Variants in ABLIM2 observed in about 807,000 individuals in gnomAD.
ABLIM2 encodes actin-binding LIM protein 2.
Under a neutral mutation model 97.7 loss-of-function variants are expected in ABLIM2, and 53 were observed. That is an observed-to-expected ratio of 0.54 (90% CI 0.44 to 0.68). The LOEUF (loss-of-function observed/expected upper bound fraction) is 0.68. ABLIM2 is among the 30% of genes least tolerant of loss of function. The probability of loss-of-function intolerance (pLI) is 0.00; values close to 1 mark genes in which losing one functional copy is unlikely to be tolerated. For synonymous variants in ABLIM2, 361 were observed against 345.8 expected, an observed-to-expected ratio of 1.04 and a Z score of -0.49; for missense variants, 835 against 867.2, an observed-to-expected ratio of 0.96 and a Z score of 0.47.
Position 8,015,283 on chromosome 4 carries a change from G to A in ABLIM2, c.1423+4335C>T, listed in dbSNP as rs1483109520. Among the ~76,000 whole-genome samples the A allele has an allele frequency of 1.3e-5, 2 of 152,034 alleles. No individual in the cohort carries two copies. Among genetic ancestry groups the A allele is most frequent in the East Asian group, 1.9e-4 (1 of 5,176 alleles). On this transcript the variant is annotated intron_variant, in intron 14 of 20. Coordinates refer to ENST00000447017, the MANE Select transcript of ABLIM2 (RefSeq NM_001130083.2). This position sits in a 1 kb window ranked among gnomAD's most constrained non-coding sequence, Gnocchi z 4.6. ...CTGCACTGCAGAAGGAGAGGTTAGC[G>A]TGTCTTTTGTATCACACAGACAGTT...
intron 1 of ABLIM2, among the ~76,000 whole-genome samples, chr4:8,129,706 G>C (rs1849091095): frequency 6.6e-6 from 1 of 151,666 alleles, no homozygotes; most frequent in South Asian, 2.1e-4. Flanking sequence ...GCAGCCAGTG[G>C]GGCTGGGAGC....
intron 1 of ABLIM2, among the ~76,000 whole-genome samples, chr4:8,118,341 C>T (rs575246103): frequency 6.6e-5 from 10 of 152,330 alleles, no homozygotes; most frequent in Non-Finnish European, 1.0e-4. Context: ...CCATGAGACT[C>T]GTCCTCCAAT....
At chr4:8,006,528 G>C (rs1761410818) in intron 16 of ABLIM2, among the ~76,000 whole-genome samples, 1 of 152,230 alleles carries the variant, frequency 6.6e-6, no homozygotes, top group Non-Finnish European at 1.5e-5. Flanking sequence ...CCGGGACACT[G>C]AGCAAAGTAG....
intron 9 of ABLIM2, among the ~76,000 whole-genome samples, chr4:8,039,772 A>G (rs1786923157): frequency 6.6e-6 from 1 of 152,032 alleles, no homozygotes; most frequent in African/African-American, 2.4e-5. Context: ...AAAATTACAC[A>G]CACACAGAAG....
intron 1 of ABLIM2, 50 bp downstream of exon 1, chr4:8,158,630 G>A (rs1473381510): frequency 7.3e-6 from 11 of 1,504,326 alleles, no homozygotes; most frequent in African/African-American, 2.9e-5. Context: ...CCCTTGCGGC[G>A]CCGCGAGCCA....
chr4:7,972,866 G>C (rs113091506), intron 20 of ABLIM2, among the ~76,000 whole-genome samples: 8 of 152,116 alleles, frequency 5.3e-5, no homozygotes, highest in African/African-American at 1.9e-4. Context: ...GTCACCCTCA[G>C]TCTACCAGGA....
At chr4:8,010,333 C>T (rs1764113594) in intron 14 of ABLIM2, 3 of 978,598 alleles carry the variant, frequency 3.1e-6, no homozygotes, top group South Asian at 4.7e-5. Context: ...AAACACTGAC[C>T]CCATGCACTG....
chr4:8,118,738 C>A (rs993238370), intron 1 of ABLIM2, among the ~76,000 whole-genome samples: 1 of 152,204 alleles, frequency 6.6e-6, no homozygotes, highest in African/African-American at 2.4e-5. Context: ...ACCATTCCTG[C>A]TCCGGGGAGC....
At chr4:8,074,910 T>G (rs1814995509) in intron 6 of ABLIM2, among the ~76,000 whole-genome samples, 2 of 150,760 alleles carry the variant, frequency 1.3e-5, no homozygotes, top group South Asian at 2.1e-4. Context: ...CTCAGCCCCC[T>G]GAGTAGCTGG....
At chr4:7,983,239 C>CA (rs1326060918) in intron 20 of ABLIM2, 25 bp downstream of exon 20, 1 of 1,596,656 alleles carries the variant, frequency 6.3e-7, no homozygotes, top group Non-Finnish European at 8.5e-7. Flanking sequence ...AAATGAGTCC[C>CA]CTGCCCCGGC....
rs746776932 is a variant in ABLIM2 at position 8,036,302 on chromosome 4, G to A, written c.901-7C>T. 2 of 1,613,342 alleles carry A rather than the reference G, an allele frequency of 1.2e-6. No individual in the cohort carries two copies. The highest frequency in any genetic ancestry group is 1.1e-5 in the South Asian group (1 of 91,016). On this transcript the variant is annotated splice_polypyrimidine_tract_variant and splice_region_variant and intron_variant, in intron 9 of 20. Transcript: ENST00000447017. ...TCTCACCACCAAGCTTGGCCTGAGA[G>A]GGGAAAGAGAATTGGGGAGGGGACA...
intron 1 of ABLIM2, among the ~76,000 whole-genome samples, chr4:8,152,663 G>A (rs1177547440): frequency 2.6e-5 from 4 of 152,246 alleles, no homozygotes. Context: ...GACTGGGACA[G>A]CCGCGTCCAT....
intron 1 of ABLIM2, among the ~76,000 whole-genome samples, chr4:8,137,482 C>T (rs1050872901): frequency 2.6e-5 from 4 of 152,148 alleles, no homozygotes; most frequent in African/African-American, 9.7e-5. Flanking sequence ...GGAGCGGGGG[C>T]GTCCCATGAG....
chr4:8,097,336 C>T, intron 2 of ABLIM2, 54 bp from the exon 3 acceptor site: 1 of 1,540,082 alleles, frequency 6.5e-7, no homozygotes, highest in Non-Finnish European at 8.8e-7. Context: ...ATCTCCACGT[C>T]CCCCAGGCCC....
chr4:8,010,330 GA>G, intron 14 of ABLIM2: 1 of 976,646 alleles, frequency 1.0e-6, no homozygotes, highest in Non-Finnish European at 1.2e-6. Flanking sequence ...CAGAAACACT[GA>G]CCCCATGCAC....
intron 2 of ABLIM2, among the ~76,000 whole-genome samples, chr4:8,104,594 G>A (rs1836279901): frequency 6.6e-6 from 1 of 152,170 alleles, no homozygotes; most frequent in Non-Finnish European, 1.5e-5. Context: ...GCTGGGGTCT[G>A]CCTTAGCCCA....
chr4:8,008,010 C>T (rs16841552), intron 16 of ABLIM2, 49 bp downstream of exon 16: 107,121 of 1,601,548 alleles, frequency 0.067, 7,143 homozygotes, highest in East Asian at 0.34. Context: ...CTCTTTGCCG[C>T]GAGGCATTTT....
rs1759819955 is a variant in ABLIM2, at chr4:8,004,617, G to A, written c.1618+3442C>T. Among the ~76,000 whole-genome samples, 1 of 152,148 alleles carries A rather than the reference G, an allele frequency of 6.6e-6. No individual in the cohort carries two copies. Among genetic ancestry groups the A allele is most frequent in the Non-Finnish European group, 1.5e-5 (1 of 68,032 alleles). On this transcript the variant is annotated intron_variant, in intron 16 of 20. Transcript: ENST00000447017. This position sits in a 1 kb window ranked among gnomAD's most constrained non-coding sequence, Gnocchi z 5.9. ...AGAGGATGGGGCCTCAAGGGGCTAG[G>A]AATGTGGGACCCCAAGCAGCAGCAG...
At position 8,155,774 on chromosome 4, in the gene ABLIM2, C is replaced by T. The variant is rs758958135; in HGVS notation, c.10+2906G>A. 2.1e-4 allele frequency among the ~76,000 whole-genome samples: 32 copies of T among 151,552 alleles called. No homozygotes were observed. Among genetic ancestry groups the T allele is most frequent in the Non-Finnish European group, 4.3e-4 (29 of 67,836 alleles). ...ACACAAAGGGAAGACGGGACGAGGA[C>T]ACAGACACACACAAAGGGAAGACGG... On this transcript the variant is annotated intron_variant, in intron 1 of 20. Transcript: ENST00000447017. The surrounding 1 kb of genome is among the most constrained non-coding windows in gnomAD (Gnocchi z 4.2).
Sources: gnomAD v4.1 joint callset for allele counts (sites outside exome capture counted in the v4.1 genomes callset) on GRCh38, gnomAD v4.1.1 for gene constraint, Gnocchi (gnomAD v3.1) non-coding constraint, MANE v1.5 for transcripts, NCBI Gene and HGNC (gene_info 2026-07-23, HGNC 2026-07-21) for gene names.